Variants in PREX2 observed in about 807,000 individuals in gnomAD.
The protein encoded by PREX2 is phosphatidylinositol-3,4,5-trisphosphate dependent Rac exchange factor 2.
A neutral mutation model predicts 203.2 loss-of-function variants in PREX2; 107 were observed. The ratio of observed to expected loss-of-function variants is 0.53; its 90% CI spans 0.45 to 0.62. PREX2 has a LOEUF of 0.62. Ranked by LOEUF, PREX2 falls within the 20% of genes least tolerant of loss-of-function variation. The pLI is 0.00. For missense variants in PREX2, 1,777 were observed against 1,955.9 expected (o/e 0.91, Z 1.72); for synonymous variants, 672 against 663.6 (o/e 1.01, Z -0.19).
intron 10 of PREX2, among the ~76,000 whole-genome samples, chr8:68,058,733 C>G (rs1451917307): frequency 6.6e-6 from 1 of 152,138 alleles, no homozygotes; most frequent in Non-Finnish European, 1.5e-5. Flanking sequence ...CTTTGCCCGG[C>G]CCGACATTCT....
At chr8:68,206,134 A>G (rs1250519431) in intron 37 of PREX2, among the ~76,000 whole-genome samples, 2 of 152,170 alleles carry the variant, frequency 1.3e-5, no homozygotes, top group Non-Finnish European at 1.5e-5. Context: ...TTTTGAGTCC[A>G]AAAATGGGTT....
At chr8:68,108,411 A>G (rs1332947708) in intron 24 of PREX2, 80 bp downstream of exon 24, 1 of 907,188 alleles carries the variant, frequency 1.1e-6, no homozygotes, top group East Asian at 2.6e-5. Flanking sequence ...CCTGAAATTC[A>G]ATAGATACCT....
At chr8:68,110,965 A>G (rs1041206658) in intron 25 of PREX2, 3 of 427,514 alleles carry the variant, frequency 7.0e-6, no homozygotes, top group African/African-American at 6.1e-5. Context: ...CTAAGAGAAA[A>G]GGAGAGTATT....
At chr8:67,971,545 C>T (rs1030202057) in intron 1 of PREX2, among the ~76,000 whole-genome samples, 8 of 151,652 alleles carry the variant, frequency 5.3e-5, no homozygotes, top group African/African-American at 1.9e-4. Flanking sequence ...TCCAAACTGC[C>T]CCTAAAAAAT....
In PREX2 at chr8:68,231,477, C is replaced by CTTTTT; in HGVS notation, c.*113_*117dup. 1.5e-5 allele frequency: 7 copies of CTTTTT among 473,128 alleles called. No homozygotes were observed. The highest frequency in any genetic ancestry group is 9.9e-5 in the South Asian group (2 of 20,178). The allele number at this position is 473,128 out of a possible 1,614,324, so 29.3% of individuals were successfully genotyped here. On this transcript the variant is annotated 3_prime_UTR_variant, in exon 40 of 40. Coordinates refer to ENST00000288368, the MANE Select transcript of PREX2 (RefSeq NM_024870.4). ...ATTCTCCACTGAAGATACATCAATGCTTTTTTTTTTTTTTTTTTCTGTAAA... is the reference window on the plus strand; with the variant it reads ...ATTCTCCACTGAAGATACATCAATGCTTTTTTTTTTTTTTTTTTTTTTTCTGTAAA...
At chr8:68,097,326 C>CTTTTT (rs5892134) in intron 22 of PREX2, 125 bp downstream of exon 22, 15 of 574,852 alleles carry the variant, frequency 2.6e-5, no homozygotes, top group African/African-American at 5.9e-5. Flanking sequence ...ATTCAAACTT[C>CTTTTT]TTTTTTTTTT....
intron 1 of PREX2, among the ~76,000 whole-genome samples, chr8:67,982,280 G>C (rs1256428749): frequency 6.6e-6 from 1 of 152,012 alleles, no homozygotes; most frequent in East Asian, 1.9e-4. Flanking sequence ...AAAAAAAGCT[G>C]GTATAGTGGT....
intron 22 of PREX2, among the ~76,000 whole-genome samples, chr8:68,098,689 AAC>A (rs1810162692): frequency 6.7e-6 from 1 of 149,732 alleles, no homozygotes; most frequent in East Asian, 2.0e-4. Context: ...ATGAAGAAAA[AAC>A]AGTCAAGAAA....
At chr8:67,991,137 C>T (rs1339532400) in intron 1 of PREX2, among the ~76,000 whole-genome samples, 1 of 152,146 alleles carries the variant, frequency 6.6e-6, no homozygotes, top group East Asian at 1.9e-4. Flanking sequence ...GTTTAATTCT[C>T]CCTGAAACCC....
At chr8:68,138,306 T>C (rs1397745243) in intron 32 of PREX2, 109 bp from the exon 33 acceptor site, 1 of 489,710 alleles carries the variant, frequency 2.0e-6, no homozygotes, top group Non-Finnish European at 3.6e-6. Context: ...TGTACCTGTA[T>C]ATAAATAAAA....
chr8:67,961,264 A>G (rs1399353147), intron 1 of PREX2, among the ~76,000 whole-genome samples: 4 of 151,916 alleles, frequency 2.6e-5, no homozygotes, highest in Non-Finnish European at 5.9e-5. Context: ...TTTAGTTTGC[A>G]TTATTTCTTT....
intron 18 of PREX2, among the ~76,000 whole-genome samples, chr8:68,083,721 G>C (rs1000260582): frequency 6.6e-6 from 1 of 151,996 alleles, no homozygotes; most frequent in Non-Finnish European, 1.5e-5. Context: ...CTCCATGTTC[G>C]GCTATAAGAA....
intron 35 of PREX2, among the ~76,000 whole-genome samples, chr8:68,189,686 A>G (rs1042863279): frequency 2.6e-5 from 4 of 152,136 alleles, no homozygotes; most frequent in African/African-American, 9.7e-5. Context: ...TCATGTCACC[A>G]TGACCCAGTC....
chr8:68,053,000 C>G (rs905275349), intron 8 of PREX2, 97 bp from the exon 9 acceptor site: 45 of 1,028,294 alleles, frequency 4.4e-5, no homozygotes, highest in Non-Finnish European at 3.3e-5. Context: ...TTGAACAATT[C>G]AGTGGTTTTG....
chr8:68,209,072 A>T (rs1388071879), intron 37 of PREX2, among the ~76,000 whole-genome samples: 1 of 127,310 alleles, frequency 7.9e-6, no homozygotes. Context: ...GACTCATTTA[A>T]AAAAAAAAAA....
chr8:68,109,111 T>G, intron 24 of PREX2: 1 of 442,178 alleles, frequency 2.3e-6, no homozygotes, highest in Non-Finnish European at 4.3e-6. Flanking sequence ...ATAAGAGGAA[T>G]AAGTTCAAGA....
intron 35 of PREX2, among the ~76,000 whole-genome samples, chr8:68,175,284 T>C (rs966332399): frequency 7.9e-5 from 12 of 151,610 alleles, no homozygotes; most frequent in Admixed American, 1.3e-4. Context: ...GAAAGTGAAG[T>C]TGGGGGATTG....
At chr8:68,114,950 TTAATA>T (rs1347111903) in intron 25 of PREX2, among the ~76,000 whole-genome samples, 1 of 152,092 alleles carries the variant, frequency 6.6e-6, no homozygotes, top group African/African-American at 2.4e-5. Flanking sequence ...TAGTTTGGGT[TTAATA>T]TTTGGCTAGC....
At chr8:68,109,699 AT>A in intron 25 of PREX2, 76 bp downstream of exon 25, 1 of 1,209,086 alleles carries the variant, frequency 8.3e-7, no homozygotes, top group Non-Finnish European at 1.2e-6. Context: ...AAATTCAATC[AT>A]TCTCTCTTTA....
Sources: gnomAD v4.1 joint callset for allele counts (sites outside exome capture counted in the v4.1 genomes callset) on GRCh38, gnomAD v4.1.1 for gene constraint, MANE v1.5 for transcripts, NCBI Gene and HGNC (gene_info 2026-07-23, HGNC 2026-07-21) for gene names.